The following PADI2 variants were observed in gnomAD, a reference collection of about 807,000 sequenced individuals.
The protein encoded by PADI2 is peptidyl arginine deiminase 2.
Under a neutral mutation model 81.1 loss-of-function variants are expected in PADI2, and 70 were observed. The ratio of observed to expected loss-of-function variants is 0.86; its 90% CI spans 0.71 to 1.05. The LOEUF (loss-of-function observed/expected upper bound fraction) is 1.05, where lower values mean the gene tolerates loss of function less well. Ranked by LOEUF, PADI2 falls within the 50% of genes least tolerant of loss-of-function variation. PADI2 has a pLI of 0.00. For synonymous variants in PADI2, 338 were observed against 358.0 expected (o/e 0.94, Z 0.63); for missense variants, 853 against 889.9 (o/e 0.96, Z 0.53).
At chr1:17,103,279 G>T (rs2235909) in intron 2 of PADI2, among the ~76,000 whole-genome samples, 60,867 of 152,022 alleles carry the variant, frequency 0.4, 12,807 homozygotes, top group East Asian at 0.58. Context: ...TGGCTGAGAG[G>T]GCAGTTAGGA....
intron 1 of PADI2, among the ~76,000 whole-genome samples, chr1:17,108,150 T>C (rs530066173): frequency 2.0e-5 from 3 of 152,180 alleles, no homozygotes; most frequent in East Asian, 1.9e-4. Context: ...GGTTTCACCA[T>C]GTTGGCCAGG....
chr1:17,107,668 C>G (rs556184919), intron 1 of PADI2, among the ~76,000 whole-genome samples: 1 of 152,198 alleles, frequency 6.6e-6, no homozygotes, highest in African/African-American at 2.4e-5. Context: ...TGGCCAAGGC[C>G]GTGAGCGTGA....
At chr1:17,099,664 T>A (rs746024411) in intron 3 of PADI2, among the ~76,000 whole-genome samples, 1 of 152,144 alleles carries the variant, frequency 6.6e-6, no homozygotes, top group Non-Finnish European at 1.5e-5. Flanking sequence ...GGAGAGACCA[T>A]ACATTTCTTT....
At chr1:17,097,768 G>A (rs943018774) in intron 3 of PADI2, among the ~76,000 whole-genome samples, 5 of 131,698 alleles carry the variant, frequency 3.8e-5, no homozygotes, top group African/African-American at 5.8e-5. Context: ...CAGGGGCTAA[G>A]AGCCTGGGGT....
chr1:17,086,594 C>G lies in PADI2; in HGVS notation c.761G>C (p.Gly254Ala), dbSNP rs200384530. 2.5e-6 allele frequency: 4 copies of G among 1,614,088 alleles called. No homozygotes were observed. Among genetic ancestry groups the G allele is most frequent in the South Asian group, 1.1e-5 (1 of 91,084 alleles). Residue 254 changes from glycine to alanine, a missense_variant, in exon 7 of 16, where the codon GGC becomes GCC. By Grantham distance (60) the Gly-to-Ala change is moderately conservative. Coordinates refer to ENST00000375486, the MANE Select transcript of PADI2 (RefSeq NM_007365.3). ...GAAGCCCTCGTCGGGGAAACAGAGGCCTTCCACGAAGAACAGCAGCTCCGC... is the reference window on the plus strand; with the variant it reads ...GAAGCCCTCGTCGGGGAAACAGAGGGCTTCCACGAAGAACAGCAGCTCCGC... ...GSAELLFFVE[G>A]LCFPDEGFSG...
intron 10 of PADI2, among the ~76,000 whole-genome samples, chr1:17,079,986 T>A (rs1327207659): frequency 6.6e-6 from 1 of 152,088 alleles, no homozygotes. Context: ...AGATGGGGTT[T>A]CACTGGGTTG....
chr1:17,106,654 G>C (rs1569588336), intron 1 of PADI2, among the ~76,000 whole-genome samples: 1 of 152,018 alleles, frequency 6.6e-6, no homozygotes, highest in East Asian at 1.9e-4. Context: ...TGTTGGCCAG[G>C]CTGGGCTCAA....
At chr1:17,103,925 A>G (rs1449874451) in intron 2 of PADI2, among the ~76,000 whole-genome samples, 1 of 151,790 alleles carries the variant, frequency 6.6e-6, no homozygotes, top group Non-Finnish European at 1.5e-5. Context: ...TTGAGGTTGC[A>G]GTGAGCTATG....
chr1:17,076,744 T>G (rs2101575994), intron 11 of PADI2, among the ~76,000 whole-genome samples: 1 of 152,004 alleles, frequency 6.6e-6, no homozygotes, highest in Middle Eastern at 3.4e-3. Flanking sequence ...GCCCAGCTAA[T>G]TTTTTTGCAT....
chr1:17,114,959 T>C (rs1931707428), intron 1 of PADI2, among the ~76,000 whole-genome samples: 1 of 152,110 alleles, frequency 6.6e-6, no homozygotes, highest in Admixed American at 6.5e-5. Context: ...CCTGGCACAC[T>C]ATGGGGAGGG....
chr1:17,094,512 C>T (rs937992499), intron 4 of PADI2, among the ~76,000 whole-genome samples: 1 of 152,162 alleles, frequency 6.6e-6, no homozygotes, highest in Non-Finnish European at 1.5e-5. Context: ...CACACCTGGC[C>T]CTGTACACAT....
chr1:17,108,264 A>C (rs1175666669), intron 1 of PADI2, among the ~76,000 whole-genome samples: 1 of 152,014 alleles, frequency 6.6e-6, no homozygotes, highest in African/African-American at 2.4e-5. Flanking sequence ...CATCATTAAG[A>C]GGGGCACAGA....
At chr1:17,098,703 CTGATGACCCA>C (rs765743478) in intron 3 of PADI2, among the ~76,000 whole-genome samples, 24 of 152,324 alleles carry the variant, frequency 1.6e-4, no homozygotes, top group Middle Eastern at 6.8e-3. Context: ...TAACTCCTCT[CTGATGACCCA>C]TGACCTGTCC....
chr1:17,112,070 C>T (rs931284434), intron 1 of PADI2, among the ~76,000 whole-genome samples: 5 of 151,998 alleles, frequency 3.3e-5, no homozygotes, highest in African/African-American at 1.2e-4. Context: ...ATCCAGGGTG[C>T]AGGGTTGCCC....
At chr1:17,087,701 C>T (rs1264158239) in intron 6 of PADI2, among the ~76,000 whole-genome samples, 6 of 152,052 alleles carry the variant, frequency 3.9e-5, no homozygotes, top group Admixed American at 1.3e-4. Flanking sequence ...AGGGTTTCAT[C>T]GCCATCTTGG....
chr1:17,090,841 C>T (rs541106502), intron 6 of PADI2, among the ~76,000 whole-genome samples: 3 of 152,090 alleles, frequency 2.0e-5, no homozygotes, highest in Non-Finnish European at 4.4e-5. Flanking sequence ...GATTATGGAA[C>T]CAGACCAGTC....
chr1:17,095,681 G>A (rs1015312670), intron 4 of PADI2, among the ~76,000 whole-genome samples: 3 of 152,172 alleles, frequency 2.0e-5, no homozygotes, highest in Admixed American at 6.5e-5. Flanking sequence ...TGAATTGGGC[G>A]TCCCCATCAT....
chr1:17,075,670 C>T lies in PADI2; in HGVS notation c.1455+9G>A, dbSNP rs753381725. 63 of 1,607,978 alleles carry T rather than the reference C, an allele frequency of 3.9e-5. 3 individuals carry two copies. The South Asian group carries it at 6.5e-4, about 17-fold the overall frequency. ...CCCCATTCACTCCAGCCTCGGGAGG[C>T]TAGCTTACCTTTGTGCCGGGGATGG... On this transcript the variant is annotated intron_variant, in intron 12 of 15. Coordinates refer to ENST00000375486, the MANE Select transcript of PADI2 (RefSeq NM_007365.3).
At chr1:17,087,257 G>C (rs1930505841) in intron 6 of PADI2, among the ~76,000 whole-genome samples, 1 of 152,188 alleles carries the variant, frequency 6.6e-6, no homozygotes, top group African/African-American at 2.4e-5. Flanking sequence ...GTTCATTTTT[G>C]TGGCTGGGCG....
Sources: allele counts gnomAD v4.1 joint callset (sites outside exome capture counted in the v4.1 genomes callset), GRCh38; gene constraint gnomAD v4.1.1; transcripts MANE v1.5; gene names NCBI Gene and HGNC (gene_info 2026-07-23, HGNC 2026-07-21).